The following TGFBR3 variants were observed in gnomAD, a reference collection of about 807,000 sequenced individuals.
TGFBR3 encodes the protein transforming growth factor beta receptor 3.
TGFBR3 carries 46 observed loss-of-function variants against 87.9 expected under a neutral mutation model. That is an observed-to-expected ratio of 0.52 (90% CI 0.41 to 0.67). TGFBR3 has a LOEUF of 0.67. TGFBR3 is among the 30% of genes least tolerant of loss of function. The probability of loss-of-function intolerance (pLI) is 0.00; values close to 1 mark genes in which losing one functional copy is unlikely to be tolerated. For missense variants in TGFBR3, 866 were observed against 1,041.9 expected, an observed-to-expected ratio of 0.83 and a Z score of 2.32; for synonymous variants, 381 against 391.6, an observed-to-expected ratio of 0.97 and a Z score of 0.32.
At chr1:91,729,033 TACACACACACAC>T (rs56158224) in intron 6 of TGFBR3, among the ~76,000 whole-genome samples, 29 of 89,654 alleles carry the variant, frequency 3.2e-4, no homozygotes, top group South Asian at 5.2e-4. Context: ...CACTCCAGCA[TACACACACACAC>T]ACACACACAC....
intron 11 of TGFBR3, 46 bp downstream of exon 11, chr1:91,716,522 A>G (rs201063199): frequency 6.8e-4 from 1,105 of 1,614,132 alleles, no homozygotes; most frequent in Non-Finnish European, 8.8e-4. Context: ...AGCCAACAAA[A>G]TAGACAGCAT....
intron 16 of TGFBR3, 40 bp from the exon 17 acceptor site, chr1:91,683,897 CATA>C: frequency 6.6e-7 from 1 of 1,513,754 alleles, no homozygotes; most frequent in Middle Eastern, 1.7e-4. Context: ...GAGAAAGACG[CATA>C]TTATGTATGT....
chr1:91,692,340 A>C (rs1425987195), intron 16 of TGFBR3, among the ~76,000 whole-genome samples: 1 of 152,216 alleles, frequency 6.6e-6, no homozygotes, highest in Non-Finnish European at 1.5e-5. Context: ...AGCGCCAAAA[A>C]TAATGCTCTG....
Position 91,695,787 on chromosome 1 carries a change from G to C in TGFBR3, c.2330-8C>G, listed in dbSNP as rs773842784. 3.1e-6 allele frequency: 5 copies of C among 1,612,790 alleles called. No individual in the cohort carries two copies. In the African/African-American group the frequency reaches 6.7e-5, roughly 22 times the overall value. ...CCAGACCATGGAAAATTGCTATAAAGGAGAGAAACCGATACACACAACTTT... is the reference window on the plus strand; with the variant it reads ...CCAGACCATGGAAAATTGCTATAAACGAGAGAAACCGATACACACAACTTT... On this transcript the variant is annotated splice_polypyrimidine_tract_variant and splice_region_variant and intron_variant, in intron 15 of 16. Coordinates refer to ENST00000212355, the MANE Select transcript of TGFBR3 (RefSeq NM_003243.5).
At chr1:91,807,689 C>T (rs1430852275) in intron 2 of TGFBR3, among the ~76,000 whole-genome samples, 1 of 152,194 alleles carries the variant, frequency 6.6e-6, no homozygotes, top group African/African-American at 2.4e-5. Context: ...GGGATTTCTG[C>T]AGCCCTCTGA....
rs1672306436 is a variant in TGFBR3 at position 91,720,025 on chromosome 1, A to G, written c.1281T>C (p.Pro427=). 3.1e-6 allele frequency: 5 copies of G among 1,614,038 alleles called. No homozygotes were observed. Among genetic ancestry groups the G allele is most frequent in the African/African-American group, 1.3e-5 (1 of 74,906 alleles). The change falls in exon 9 of 17, where the codon CCT becomes CCC. Residue 427 remains proline (P), a synonymous_variant. Coordinates refer to ENST00000212355, the MANE Select transcript of TGFBR3 (RefSeq NM_003243.5). ...GAAACAGTTGTATGCTGGGAATGACAGGGTCCTTTGGCCGAGGGAGCCCAT... is the reference window on the plus strand; with the variant it reads ...GAAACAGTTGTATGCTGGGAATGACGGGGTCCTTTGGCCGAGGGAGCCCAT... The part of the protein sequence containing the change: ...GEDGLPRPKD[P]VIPSIQLFPG...
At chr1:91,897,750 T>A (rs1157626358) in intron 2 of TGFBR3, among the ~76,000 whole-genome samples, 2 of 152,164 alleles carry the variant, frequency 1.3e-5, no homozygotes, top group Non-Finnish European at 2.9e-5. Context: ...AGAAAATTAA[T>A]CTTCACAGGA....
At chr1:91,782,563 G>C (rs1674813964) in intron 3 of TGFBR3, among the ~76,000 whole-genome samples, 1 of 152,132 alleles carries the variant, frequency 6.6e-6, no homozygotes, top group South Asian at 2.1e-4. Context: ...AATGTGGAAA[G>C]GATTGTTTTT....
rs114083331 is a variant in TGFBR3 at position 91,684,688 on chromosome 1, T to C, written c.2438-831A>G. Among the ~76,000 whole-genome samples the C allele has an allele frequency of 2.8e-3, 430 of 152,280 alleles. 5 individuals are homozygous for C. The highest frequency in any genetic ancestry group is 9.8e-3 in the African/African-American group (407 of 41,542). ...CACACACATGGTTTGCATTTAACAGTGCAAAAGGCCCTAGAGTTAGTCTTC... is the reference window on the plus strand; with the variant it reads ...CACACACATGGTTTGCATTTAACAGCGCAAAAGGCCCTAGAGTTAGTCTTC... On this transcript the variant is annotated intron_variant, in intron 16 of 16. Transcript: ENST00000212355.
chr1:91,792,188 C>T (rs1289528582), intron 3 of TGFBR3, among the ~76,000 whole-genome samples: 1 of 152,168 alleles, frequency 6.6e-6, no homozygotes, highest in Non-Finnish European at 1.5e-5. Context: ...CCAAATGGCT[C>T]GCAAGCTGCA....
At chr1:91,853,917 G>A (rs1191855378) in intron 2 of TGFBR3, among the ~76,000 whole-genome samples, 2 of 152,140 alleles carry the variant, frequency 1.3e-5, no homozygotes, top group Non-Finnish European at 2.9e-5. Flanking sequence ...GCCAAGGCAG[G>A]AGAATCACTC....
At chr1:91,818,774 ATG>A (rs1280901127) in intron 2 of TGFBR3, among the ~76,000 whole-genome samples, 3 of 152,154 alleles carry the variant, frequency 2.0e-5, no homozygotes, top group African/African-American at 7.2e-5. Flanking sequence ...CTGAGCACAC[ATG>A]TGTTAAAATG....
chr1:91,786,723 C>T (rs371214324), intron 3 of TGFBR3, among the ~76,000 whole-genome samples: 19 of 151,370 alleles, frequency 1.3e-4, no homozygotes, highest in African/African-American at 4.6e-4. Context: ...TGCACTCCAG[C>T]CTGGGTGACA....
In TGFBR3 at chr1:91,695,666, A is replaced by G. The variant is rs1301473743; in HGVS notation, c.2437+6T>C. The G allele has an allele frequency of 2.5e-6, 4 of 1,612,496 alleles. No individual in the cohort carries two copies. Among genetic ancestry groups the G allele is most frequent in the Non-Finnish European group, 3.4e-6 (4 of 1,178,610 alleles). On this transcript the variant is annotated splice_donor_region_variant and intron_variant, in intron 16 of 16. Coordinates refer to ENST00000212355, the MANE Select transcript of TGFBR3 (RefSeq NM_003243.5). Reference sequence around the variant, plus strand: ...TCACCAACTCTTACTCAACAGTCACACTAACCTGTGTGAGAATAGATGTAC... The same window carrying G: ...TCACCAACTCTTACTCAACAGTCACGCTAACCTGTGTGAGAATAGATGTAC...
rs1672317807 is a variant in TGFBR3 at position 91,720,220 on chromosome 1, C to T, written c.1086G>A (p.Met362Ile). The T allele has an allele frequency of 6.3e-7, 1 of 1,594,694 alleles. No homozygotes were observed. The highest frequency in any genetic ancestry group is 8.5e-7 in the Non-Finnish European group (1 of 1,169,742). The change falls in exon 9 of 17, where the codon ATG (methionine) becomes ATA (isoleucine). Residue 362 changes from methionine to isoleucine, a missense_variant. By Grantham distance (10) the Met-to-Ile change is conservative (BLOSUM62 1). Transcript: ENST00000212355. ...HLRLENNAEE[M>I]GDEEVHTIPP... ...GAATAGTGTGGACTTCCTCATCTCC[C>T]ATCTCCTCTGCTGGTGAAAGAAGAA...
At chr1:91,726,225 G>A (rs17882489) in intron 7 of TGFBR3, among the ~76,000 whole-genome samples, 3 of 152,122 alleles carry the variant, frequency 2.0e-5, no homozygotes, top group Admixed American at 2.0e-4. Context: ...CCATCGAAGG[G>A]TCAAGGCTGA....
intron 2 of TGFBR3, among the ~76,000 whole-genome samples, chr1:91,840,759 A>T (rs1677244307): frequency 6.6e-6 from 1 of 152,102 alleles, no homozygotes. Flanking sequence ...AAATTTTATT[A>T]TTGGCAACAA....
At chr1:91,762,847 T>G (rs1014274296) in intron 3 of TGFBR3, among the ~76,000 whole-genome samples, 2 of 152,230 alleles carry the variant, frequency 1.3e-5, no homozygotes, top group African/African-American at 4.8e-5. Flanking sequence ...ATCTTCTGAG[T>G]GTTTTTCTGG....
intron 3 of TGFBR3, among the ~76,000 whole-genome samples, chr1:91,779,302 T>A (rs749499514): frequency 2.0e-5 from 3 of 152,332 alleles, no homozygotes; most frequent in Middle Eastern, 3.4e-3. Context: ...GCACCAGTCA[T>A]GCTTTAATTA....
Sources: allele counts gnomAD v4.1 joint callset (sites outside exome capture counted in the v4.1 genomes callset), GRCh38; gene constraint gnomAD v4.1.1; transcripts MANE v1.5; gene names NCBI Gene and HGNC (gene_info 2026-07-23, HGNC 2026-07-21).